The following WDFY4 variants were observed in gnomAD, a reference collection of about 807,000 sequenced individuals.
WDFY4 encodes the protein WDFY family member 4.
A neutral mutation model predicts 351.9 loss-of-function variants in WDFY4; 169 were observed. The observed-to-expected ratio is 0.48, with a 90% confidence interval of 0.42 to 0.55. WDFY4 has a LOEUF of 0.55. WDFY4 is among the 20% of genes least tolerant of loss of function. WDFY4 has a pLI of 0.00. For synonymous variants in WDFY4, 1,622 were observed against 1,574.6 expected (o/e 1.03, Z -0.71); for missense variants, 3,803 against 3,935.6 (o/e 0.97, Z 0.90).
At chr10:48,716,962 C>T (rs751049180) in intron 2 of WDFY4, among the ~76,000 whole-genome samples, 1 of 152,218 alleles carries the variant, frequency 6.6e-6, no homozygotes, top group South Asian at 2.1e-4. Context: ...TTGCAGGTGG[C>T]AGCTATAAGT....
chr10:48,877,000 G>A, intron 42 of WDFY4, 33 bp from the exon 43 acceptor site: 1 of 1,443,918 alleles, frequency 6.9e-7, no homozygotes, highest in Admixed American at 2.9e-5. Context: ...GGTGGCTCCT[G>A]TCAACACCAC....
intron 61 of WDFY4, 38 bp from the exon 62 acceptor site, chr10:48,982,471 T>A: frequency 6.8e-7 from 1 of 1,468,544 alleles, no homozygotes; most frequent in Non-Finnish European, 9.1e-7. Flanking sequence ...AGTGGTACTG[T>A]CCCTCTAACG....
chr10:48,939,456 A>T (rs1840631998), intron 47 of WDFY4, among the ~76,000 whole-genome samples: 1 of 152,158 alleles, frequency 6.6e-6, no homozygotes, highest in South Asian at 2.1e-4. Context: ...GTGGAGATAG[A>T]ATTTAGATCC....
intron 46 of WDFY4, among the ~76,000 whole-genome samples, chr10:48,901,320 A>G (rs1326734831): frequency 2.6e-5 from 4 of 152,182 alleles, no homozygotes; most frequent in Admixed American, 1.3e-4. Context: ...ATTTCCCCCT[A>G]TGGTTTCTGT....
intron 40 of WDFY4, among the ~76,000 whole-genome samples, chr10:48,871,027 C>T (rs984227478): frequency 3.3e-5 from 5 of 152,030 alleles, no homozygotes; most frequent in South Asian, 2.1e-4. Context: ...TCCGCCTTCC[C>T]GGTTCACACC....
chr10:48,814,041 G>A lies in WDFY4; in HGVS notation c.5299G>A (p.Ala1767Thr). The A allele has an allele frequency of 1.3e-6, 2 of 1,550,120 alleles. No individual in the cohort carries two copies. Among genetic ancestry groups the A allele is most frequent in the Non-Finnish European group, 1.7e-6 (2 of 1,145,976 alleles). Residue 1767 changes from alanine (A) to threonine (T), a missense_variant, in exon 31 of 62, where the codon GCC becomes ACC. Around this residue, in one of 3 missense-constraint regions of WDFY4, gnomAD observed 3,054 missense variants for 3,148.6 expected, o/e 0.97. Transcript: ENST00000325239. ...CCAGGCTGGGCTGTGCACAGAAGGT[G>A]CCTTGCTCCTCCTGGAAATGCTGAA... is the stretch of plus-strand genomic sequence containing the variant. ...VLQAGLCTEGALLLLEMLKAT... is the reference protein window; with the variant it reads ...VLQAGLCTEGTLLLLEMLKAT...
At chr10:48,709,688 T>C in intron 1 of WDFY4, 28 bp from the exon 2 acceptor site, 4 of 1,526,224 alleles carry the variant, frequency 2.6e-6, no homozygotes, top group Non-Finnish European at 3.6e-6. Context: ...GTGACAGGAA[T>C]GTTCACTTCT....
At chr10:48,689,911 G>A (rs1283604524) in intron 1 of WDFY4, among the ~76,000 whole-genome samples, 1 of 152,234 alleles carries the variant, frequency 6.6e-6, no homozygotes, top group Non-Finnish European at 1.5e-5. Flanking sequence ...GAGACTCAGA[G>A]ATGTAAGGTT....
At chr10:48,812,196 T>TTG (rs1405906908) in intron 30 of WDFY4, among the ~76,000 whole-genome samples, 2 of 149,460 alleles carry the variant, frequency 1.3e-5, no homozygotes, top group African/African-American at 5.0e-5. Context: ...TTTTGTTTTT[T>TTG]TTGTTTTTTT....
chr10:48,969,055 G>T lies in WDFY4; in HGVS notation c.8585-9G>T. ...CATGCATAAGTTCGCCATACTAACT[G>T]GGGTGTAGATATGTACCTCTTTTCT... is the stretch of plus-strand genomic sequence containing the variant. On this transcript the variant is annotated splice_polypyrimidine_tract_variant and intron_variant, in intron 55 of 61. Coordinates refer to ENST00000325239, the MANE Select transcript of WDFY4 (RefSeq NM_001394531.1). 6.5e-7 allele frequency: 1 copy of T among 1,550,292 alleles called. No individual in the cohort carries two copies. The highest frequency in any genetic ancestry group is 1.2e-5 in the South Asian group (1 of 84,008).
At position 48,832,712 on chromosome 10, in the gene WDFY4, G is replaced by A. The variant is rs1331235973; in HGVS notation, c.6663+3G>A. On this transcript the variant is annotated splice_donor_region_variant and intron_variant, in intron 39 of 61. Coordinates refer to ENST00000325239, the MANE Select transcript of WDFY4 (RefSeq NM_001394531.1). ...AGGACCCTGAGTGCAAGACAGAGGT[G>A]AGCCCAGACCCCTTTTCCTCAGAAA... 4 of 1,536,592 alleles carry A rather than the reference G, an allele frequency of 2.6e-6. No homozygotes were observed. The highest frequency in any genetic ancestry group is 4.9e-5 in the East Asian group (2 of 40,488).
intron 39 of WDFY4, among the ~76,000 whole-genome samples, chr10:48,846,596 A>G (rs530352049): frequency 6.8e-4 from 103 of 152,350 alleles, no homozygotes; most frequent in African/African-American, 2.4e-3. Flanking sequence ...TTTTTTATGC[A>G]CAATGGCTGC....
At chr10:48,899,417 A>G (rs1837245401) in intron 45 of WDFY4, among the ~76,000 whole-genome samples, 1 of 152,178 alleles carries the variant, frequency 6.6e-6, no homozygotes, top group African/African-American at 2.4e-5. Context: ...ACTTCCAGCC[A>G]GGTAGATGCA....
intron 43 of WDFY4, among the ~76,000 whole-genome samples, chr10:48,889,536 A>G (rs1169858969): frequency 2.6e-5 from 4 of 151,970 alleles, no homozygotes; most frequent in South Asian, 2.1e-4. Context: ...CTGCTTTTGT[A>G]TAACTGGAAT....
In WDFY4 at chr10:48,974,527, A is replaced by AAAAAAAAAAAAAAAAAAAAAAAAAAAAC; in HGVS notation, c.8929-333_8929-332insAAAAAAAAAAAAAAAAAAAAAAAAACAA. ...CAAAAAAAAAAAAAAAAAAAAAAAA[A>AAAAAAAAAAAAAAAAAAAAAAAAAAAAC]AACAACTCATGACATGAACTGCTCC... is the stretch of plus-strand genomic sequence containing the variant. On this transcript the variant is annotated intron_variant, in intron 57 of 61. Transcript: ENST00000325239. Among the ~76,000 whole-genome samples the AAAAAAAAAAAAAAAAAAAAAAAAAAAAC allele has an allele frequency of 5.2e-4, 12 of 23,192 alleles. 3 individuals carry two copies. The highest frequency in any genetic ancestry group is 8.7e-4 in the African/African-American group (12 of 13,804). 15.2% of individuals were successfully genotyped at this position (23,192 alleles called of 152,430 possible).
At position 48,964,029 on chromosome 10, in the gene WDFY4, G is replaced by A. The variant is rs1040751193; in HGVS notation, c.8411G>A (p.Ser2804Asn). The change falls in exon 54 of 62, where the codon AGC becomes AAC. Residue 2804 changes from serine (S) to asparagine (N), a missense_variant. Ser to Asn is a conservative substitution (Grantham distance 46, BLOSUM62 1). This residue lies in a region of WDFY4 where 3,054 missense variants were observed against 3,148.6 expected (regional missense o/e 0.97). Transcript: ENST00000325239. ...AAAAGCACCATCCTGGGGTTTGTCA[G>A]CAACTTTGGACAGGTGCCCAAACAG... ...LIKSTILGFV[S>N]NFGQVPKQLF... 9.0e-6 allele frequency: 14 copies of A among 1,549,924 alleles called. No individual in the cohort carries two copies. The highest frequency in any genetic ancestry group is 1.2e-5 in the Non-Finnish European group (14 of 1,146,954).
At chr10:48,836,927 C>G (rs912182159) in intron 39 of WDFY4, among the ~76,000 whole-genome samples, 2 of 152,152 alleles carry the variant, frequency 1.3e-5, no homozygotes, top group African/African-American at 4.8e-5. Flanking sequence ...TGCTTACGTA[C>G]TCAATTCCAG....
At chr10:48,829,994 G>C (rs1262988322) in intron 37 of WDFY4, among the ~76,000 whole-genome samples, 1 of 152,220 alleles carries the variant, frequency 6.6e-6, no homozygotes, top group Non-Finnish European at 1.5e-5. Flanking sequence ...GGCCAGTAGA[G>C]CTGGGCTGGG....
At chr10:48,801,574 T>C (rs1452343996) in intron 24 of WDFY4, 27 of 452,846 alleles carry the variant, frequency 6.0e-5, no homozygotes, top group South Asian at 4.2e-4. Context: ...ATACCAGCTG[T>C]CCCAAATGGC....
Sources: allele counts gnomAD v4.1 joint callset (sites outside exome capture counted in the v4.1 genomes callset), GRCh38; gene constraint gnomAD v4.1.1; regional missense constraint gnomAD v4.1.1; transcripts MANE v1.5; gene names NCBI Gene and HGNC (gene_info 2026-07-23, HGNC 2026-07-21).